The following LRMDA variants were observed in gnomAD, a reference collection of about 807,000 sequenced individuals.
LRMDA encodes the protein leucine-rich melanocyte differentiation-associated protein.
In LRMDA, 18 loss-of-function variants were observed where a neutral mutation model predicts 29.8. That is an observed-to-expected ratio of 0.60 (90% CI 0.42 to 0.90). The LOEUF (loss-of-function observed/expected upper bound fraction) is 0.90, where lower values mean the gene tolerates loss of function less well. Among genes scored for constraint, LRMDA ranks in the 40% least tolerant of loss-of-function variants. The pLI is 0.00. For synonymous variants in LRMDA, 125 were observed against 109.4 expected (o/e 1.14, Z -0.89); for missense variants, 273 against 273.9 (o/e 1.00, Z 0.02).
chr10:76,315,837 G>T (rs1364099352), intron 5 of LRMDA, among the ~76,000 whole-genome samples: 4 of 151,898 alleles, frequency 2.6e-5, no homozygotes, highest in Non-Finnish European at 5.9e-5. Flanking sequence ...GCTTTTTCCG[G>T]CTGGCCCATG....
chr10:75,872,337 T>C (rs1199422286), intron 2 of LRMDA, among the ~76,000 whole-genome samples: 1 of 152,012 alleles, frequency 6.6e-6, no homozygotes, highest in South Asian at 2.1e-4. Flanking sequence ...GGAATCTCGC[T>C]CTGTAGCCCA....
chr10:75,888,155 A>G (rs542368538), intron 2 of LRMDA, among the ~76,000 whole-genome samples: 1 of 152,292 alleles, frequency 6.6e-6, no homozygotes, highest in South Asian at 2.1e-4. Flanking sequence ...CTCCTGAAGA[A>G]TATGACCAAA....
chr10:75,778,522 A>T (rs1207598603), intron 2 of LRMDA, among the ~76,000 whole-genome samples: 2 of 152,150 alleles, frequency 1.3e-5, no homozygotes, highest in African/African-American at 2.4e-5. Flanking sequence ...GAAACTTTTC[A>T]TTCTCTGCTT....
intron 2 of LRMDA, among the ~76,000 whole-genome samples, chr10:75,750,248 G>C (rs1406489008): frequency 6.6e-6 from 1 of 151,068 alleles, no homozygotes; most frequent in Non-Finnish European, 1.5e-5. Flanking sequence ...CGGCTGCCGG[G>C]CGGGGGCTGC....
chr10:75,976,602 A>G (rs529003624), intron 2 of LRMDA, among the ~76,000 whole-genome samples: 4 of 152,334 alleles, frequency 2.6e-5, no homozygotes, highest in African/African-American at 9.6e-5. Context: ...CCAGCTAATA[A>G]CTAATAAGCA....
intron 2 of LRMDA, among the ~76,000 whole-genome samples, chr10:75,918,995 T>C (rs1268268516): frequency 6.6e-6 from 1 of 152,186 alleles, no homozygotes; most frequent in Non-Finnish European, 1.5e-5. Context: ...TATGAGTAGT[T>C]ACCATGTGTC....
chr10:75,607,515 C>T (rs1309705467), intron 2 of LRMDA, among the ~76,000 whole-genome samples: 3 of 152,256 alleles, frequency 2.0e-5, no homozygotes, highest in Non-Finnish European at 2.9e-5. Context: ...TTGTAGTGCT[C>T]TAATTTATAG....
At chr10:76,456,062 A>G (rs1842453760) in intron 6 of LRMDA, among the ~76,000 whole-genome samples, 1 of 152,116 alleles carries the variant, frequency 6.6e-6, no homozygotes, top group South Asian at 2.1e-4. Flanking sequence ...AAAGGGTATG[A>G]ATATCCCTCA....
chr10:75,924,330 T>C (rs1482381618), intron 2 of LRMDA, among the ~76,000 whole-genome samples: 1 of 152,120 alleles, frequency 6.6e-6, no homozygotes, highest in Non-Finnish European at 1.5e-5. Flanking sequence ...ACAAAGTAAA[T>C]TTACATGGTT....
intron 2 of LRMDA, among the ~76,000 whole-genome samples, chr10:75,640,667 T>A (rs975788180): frequency 4.6e-5 from 7 of 152,342 alleles, no homozygotes; most frequent in East Asian, 1.9e-4. Flanking sequence ...TGCATTCCCA[T>A]AGCGGTCAGG....
At chr10:75,892,770 C>T (rs557183132) in intron 2 of LRMDA, among the ~76,000 whole-genome samples, 4 of 152,128 alleles carry the variant, frequency 2.6e-5, no homozygotes, top group Non-Finnish European at 5.9e-5. Flanking sequence ...TGGGTTGGTT[C>T]ACTTCTCAGG....
intron 6 of LRMDA, among the ~76,000 whole-genome samples, chr10:76,397,135 G>A (rs1011126858): frequency 2.6e-5 from 4 of 152,168 alleles, no homozygotes; most frequent in Admixed American, 6.6e-5. Context: ...GGGGCAGATG[G>A]GAAGTCTGTC....
chr10:75,922,460 A>G (rs1322134978), intron 2 of LRMDA, among the ~76,000 whole-genome samples: 1 of 152,082 alleles, frequency 6.6e-6, no homozygotes, highest in Non-Finnish European at 1.5e-5. Context: ...CCTCTTGTCT[A>G]CTTGCTTGGT....
intron 2 of LRMDA, among the ~76,000 whole-genome samples, chr10:75,842,530 G>A (rs1357174046): frequency 6.6e-6 from 1 of 152,112 alleles, no homozygotes; most frequent in African/African-American, 2.4e-5. Flanking sequence ...TTAGTTTTTG[G>A]TGAAATCAAT....
chr10:76,258,979 C>A (rs1267464446), intron 5 of LRMDA, among the ~76,000 whole-genome samples: 1 of 152,016 alleles, frequency 6.6e-6, no homozygotes, highest in East Asian at 1.9e-4. Context: ...TATATACATT[C>A]TTAGTAGAAG....
Position 75,760,269 on chromosome 10 carries a change from A to G in LRMDA, c.132-275739A>G, listed in dbSNP as rs571521669. 7.9e-5 allele frequency among the ~76,000 whole-genome samples: 12 copies of G among 152,330 alleles called. No individual in the cohort carries two copies. The South Asian group carries it at 2.3e-3, about 29-fold the overall frequency. On this transcript the variant is annotated intron_variant, in intron 2 of 6. Transcript: ENST00000611255. ...ATCAATAGTTAAAATTTGGAGTCCCATTAATATAGTTCAAGTCAGAATGCA... is the reference window on the plus strand; with the variant it reads ...ATCAATAGTTAAAATTTGGAGTCCCGTTAATATAGTTCAAGTCAGAATGCA...
chr10:76,030,703 C>T (rs1379269162), intron 2 of LRMDA, among the ~76,000 whole-genome samples: 1 of 152,204 alleles, frequency 6.6e-6, no homozygotes, highest in Non-Finnish European at 1.5e-5. Context: ...GCAGGAGAAT[C>T]ACTTGAACCT....
At chr10:75,475,496 CTG>C (rs1167421119) in intron 2 of LRMDA, among the ~76,000 whole-genome samples, 4 of 152,222 alleles carry the variant, frequency 2.6e-5, no homozygotes, top group African/African-American at 9.6e-5. Context: ...AATTGGATCA[CTG>C]AGTCCTGCTC....
chr10:75,617,882 G>T (rs1301357584), intron 2 of LRMDA, among the ~76,000 whole-genome samples: 1 of 152,216 alleles, frequency 6.6e-6, no homozygotes, highest in African/African-American at 2.4e-5. Context: ...AGCAGTAGGA[G>T]ACCTGGCGCT....
Sources: allele counts gnomAD v4.1 joint callset (sites outside exome capture counted in the v4.1 genomes callset), GRCh38; gene constraint gnomAD v4.1.1; transcripts MANE v1.5; gene names NCBI Gene and HGNC (gene_info 2026-07-23, HGNC 2026-07-21).